The following OR3A2 variants were observed in gnomAD, a reference collection of about 807,000 sequenced individuals.
The protein encoded by OR3A2 is olfactory receptor family 3 subfamily A member 2, also known as olfactory receptor 3A2.
For synonymous variants in OR3A2, 126 were observed against 159.3 expected (o/e 0.79, Z 1.57); for missense variants, 318 against 392.8 (o/e 0.81, Z 1.61).
At chr17:3,372,049 G>A (rs1211962836) in intron 2 of OR3A2, among the ~76,000 whole-genome samples, 1 of 135,862 alleles carries the variant, frequency 7.4e-6, no homozygotes, top group African/African-American at 3.0e-5. Flanking sequence ...CGGGCGGAGG[G>A]GCTCCTCACT....
At position 3,326,110 on chromosome 17, in the gene OR3A2, G is replaced by A. The variant is rs978721935; in HGVS notation, c.-85+9923C>T. On this transcript the variant is annotated intron_variant, in intron 3 of 4. Transcript: ENST00000573491. Reference sequence around the variant, plus strand: ...CCAGCTCCATCCATGTTCCTGCAAAGGACAGGATCTCATTCATTTCTATGG... The same window carrying A: ...CCAGCTCCATCCATGTTCCTGCAAAAGACAGGATCTCATTCATTTCTATGG... Among the ~76,000 whole-genome samples, 4 of 152,082 alleles carry A rather than the reference G, an allele frequency of 2.6e-5. No homozygotes were observed. In the South Asian group the frequency reaches 6.2e-4, roughly 24 times the overall value.
intron 3 of OR3A2, among the ~76,000 whole-genome samples, chr17:3,300,332 G>C (rs1204510870): frequency 6.6e-6 from 1 of 152,172 alleles, no homozygotes; most frequent in Admixed American, 6.5e-5. Context: ...GCCAAGGTGG[G>C]GGGATCACCT....
chr17:3,289,789 C>T (rs553768761), intron 3 of OR3A2, among the ~76,000 whole-genome samples: 18 of 152,252 alleles, frequency 1.2e-4, no homozygotes, highest in Admixed American at 7.2e-4. Flanking sequence ...AGAACCACAT[C>T]CCAGGTCTTC....
At chr17:3,320,593 A>G (rs918460178) in intron 3 of OR3A2, among the ~76,000 whole-genome samples, 5 of 146,198 alleles carry the variant, frequency 3.4e-5, no homozygotes, top group African/African-American at 1.2e-4. Flanking sequence ...AGCTTTCTAC[A>G]TATGGCTAGC....
At chr17:3,278,261 A>G (rs2013809) in exon 2 of OR3A2, 227,195 of 1,614,042 alleles carry the variant, frequency 0.14, 21,599 homozygotes, top group African/African-American at 0.42. Flanking sequence ...GGCTGTAGGC[A>G]GTGATGATGA....
chr17:3,318,057 C>T (rs538030752), intron 3 of OR3A2, among the ~76,000 whole-genome samples: 1 of 152,168 alleles, frequency 6.6e-6, no homozygotes, highest in Non-Finnish European at 1.5e-5. Context: ...CCCAGTTCAA[C>T]AGGGTCTCGG....
At chr17:3,329,289 C>T (rs994396256) in intron 3 of OR3A2, among the ~76,000 whole-genome samples, 2 of 150,580 alleles carry the variant, frequency 1.3e-5, no homozygotes, top group African/African-American at 2.4e-5. Flanking sequence ...AGGAATGGTA[C>T]CTGTTCCTCC....
intron 2 of OR3A2, among the ~76,000 whole-genome samples, chr17:3,383,551 C>T (rs753527157): frequency 5.3e-5 from 8 of 152,166 alleles, no homozygotes; most frequent in Non-Finnish European, 1.2e-4. Flanking sequence ...AGCTAGTGCT[C>T]TTCTCACTGC....
chr17:3,279,998 T>C (rs2048767048), intron 1 of OR3A2, among the ~76,000 whole-genome samples: 1 of 152,210 alleles, frequency 6.6e-6, no homozygotes, highest in South Asian at 2.1e-4. Flanking sequence ...GTTAATGTTA[T>C]TGTTACTTAA....
intron 2 of OR3A2, among the ~76,000 whole-genome samples, chr17:3,355,954 C>A (rs1166022694): frequency 6.6e-6 from 1 of 151,040 alleles, no homozygotes; most frequent in African/African-American, 2.5e-5. Context: ...CTGGTGATAT[C>A]ATTTAATCTC....
At chr17:3,323,067 A>T (rs1245390447) in intron 3 of OR3A2, among the ~76,000 whole-genome samples, 3 of 152,172 alleles carry the variant, frequency 2.0e-5, no homozygotes, top group Non-Finnish European at 2.9e-5. Context: ...TATTGGGTGC[A>T]TATATATTTA....
At chr17:3,301,134 TG>T (rs1164894278) in intron 3 of OR3A2, among the ~76,000 whole-genome samples, 1 of 152,216 alleles carries the variant, frequency 6.6e-6, no homozygotes, top group African/African-American at 2.4e-5. Flanking sequence ...CTATTGTGAA[TG>T]GTGCCACAAT....
intron 2 of OR3A2, among the ~76,000 whole-genome samples, chr17:3,373,482 G>A (rs1231086620): frequency 6.6e-6 from 1 of 152,098 alleles, no homozygotes; most frequent in Non-Finnish European, 1.5e-5. Context: ...CCAGTGTTCG[G>A]TACATATATA....
chr17:3,340,037 T>G (rs2049303936), intron 2 of OR3A2, among the ~76,000 whole-genome samples: 1 of 152,244 alleles, frequency 6.6e-6, no homozygotes, highest in Non-Finnish European at 1.5e-5. Flanking sequence ...CCATTTCTTC[T>G]AGATTTTGTA....
chr17:3,281,086 C>T (rs2048773917), intron 1 of OR3A2, among the ~76,000 whole-genome samples: 1 of 152,184 alleles, frequency 6.6e-6, no homozygotes, highest in South Asian at 2.1e-4. Context: ...GGAAAATGTA[C>T]TCACAATCCT....
At chr17:3,360,378 C>T (rs918191520) in intron 2 of OR3A2, among the ~76,000 whole-genome samples, 3 of 151,460 alleles carry the variant, frequency 2.0e-5, no homozygotes, top group Non-Finnish European at 2.9e-5. Flanking sequence ...GCCTGTTCAC[C>T]CTGATGGTAG....
intron 3 of OR3A2, among the ~76,000 whole-genome samples, chr17:3,332,584 A>G (rs1368709258): frequency 1.3e-5 from 2 of 152,164 alleles, no homozygotes; most frequent in African/African-American, 4.8e-5. Context: ...ACACCCACTG[A>G]CCTGCGCCCA....
intron 3 of OR3A2, among the ~76,000 whole-genome samples, chr17:3,300,895 A>G (rs576043816): frequency 1.4e-5 from 2 of 138,374 alleles, no homozygotes; most frequent in Admixed American, 8.2e-5. Flanking sequence ...CCTGTGTCCA[A>G]GTGTTCTCAT....
chr17:3,382,484 A>C (rs1597367397), intron 2 of OR3A2, among the ~76,000 whole-genome samples: 1 of 152,166 alleles, frequency 6.6e-6, no homozygotes. Flanking sequence ...TGGGAGGGAG[A>C]CCAGCCAACA....
Sources: gnomAD v4.1 joint callset for allele counts (sites outside exome capture counted in the v4.1 genomes callset) on GRCh38, gnomAD v4.1.1 for gene constraint, MANE v1.5 for transcripts, NCBI Gene and HGNC (gene_info 2026-07-23, HGNC 2026-07-21) for gene names.